GPD2: variants seen among roughly 807,000 people sequenced by gnomAD.
GPD2 encodes the protein glycerol-3-phosphate dehydrogenase, mitochondrial.
Under a neutral mutation model 82.4 loss-of-function variants are expected in GPD2, and 54 were observed. That is an observed-to-expected ratio of 0.66 (90% CI 0.53 to 0.82). GPD2 has a LOEUF of 0.82. GPD2 is among the 40% of genes least tolerant of loss of function. The probability of loss-of-function intolerance (pLI) is 0.00; values close to 1 mark genes in which losing one functional copy is unlikely to be tolerated. For missense variants in GPD2, 748 were observed against 896.2 expected, an observed-to-expected ratio of 0.83 and a Z score of 2.11; for synonymous variants, 288 against 306.1, an observed-to-expected ratio of 0.94 and a Z score of 0.62.
At chr2:156,493,185 C>A (rs987376163) in intron 2 of GPD2, among the ~76,000 whole-genome samples, 1 of 152,022 alleles carries the variant, frequency 6.6e-6, no homozygotes, top group African/African-American at 2.4e-5. Flanking sequence ...GAGAGTGGTT[C>A]AAAGAGGCTG....
intron 1 of GPD2, among the ~76,000 whole-genome samples, chr2:156,441,030 G>A (rs1484386808): frequency 2.0e-5 from 3 of 152,160 alleles, no homozygotes; most frequent in Admixed American, 6.5e-5. Context: ...AGAGGGGCTG[G>A]AAATCCAGTC....
At chr2:156,406,052 T>C in the GPD2 span, among the ~76,000 whole-genome samples, 1 of 152,122 alleles carries the variant, frequency 6.6e-6, no homozygotes, top group Non-Finnish European at 1.5e-5. Flanking sequence ...GCCTTTTTTT[T>C]TTTTTTCACC....
intron 16 of GPD2, among the ~76,000 whole-genome samples, chr2:156,581,372 T>G (rs1166150864): frequency 6.6e-6 from 1 of 152,164 alleles, no homozygotes; most frequent in Non-Finnish European, 1.5e-5. Context: ...TTTTGAGTTT[T>G]TAGAAGTTGG....
intron 9 of GPD2, among the ~76,000 whole-genome samples, chr2:156,564,140 A>G (rs768981325): frequency 6.6e-6 from 1 of 152,168 alleles, no homozygotes; most frequent in Non-Finnish European, 1.5e-5. Flanking sequence ...AGAGAAATTC[A>G]TTATCTTGTA....
chr2:156,419,046 CTTCTTTTTTTTTTTTTT>C, the GPD2 span, among the ~76,000 whole-genome samples: 2 of 136,280 alleles, frequency 1.5e-5, no homozygotes, highest in Non-Finnish European at 3.2e-5. Context: ...ATTTTCTTTC[CTTCTTTTTTTTTTTTTT>C]TTTTTTTTTT....
At chr2:156,432,668 C>G (rs1221138178), upstream of GPD2, among the ~76,000 whole-genome samples, 2 of 152,142 alleles carry the variant, frequency 1.3e-5, no homozygotes, top group Non-Finnish European at 1.5e-5. Flanking sequence ...ATAACTTATG[C>G]TCTAATTGCA....
chr2:156,403,612 G>GGTGTGTGTGTGTGT, the GPD2 span, among the ~76,000 whole-genome samples: 2,516 of 147,982 alleles, frequency 0.017, 66 homozygotes, highest in African/African-American at 0.059. Context: ...GCATTCAAAG[G>GGTGTGTGTGTGTGT]GTGTGTGTGT....
At chr2:156,576,675 G>A (rs1386523537) in intron 13 of GPD2, among the ~76,000 whole-genome samples, 3 of 152,166 alleles carry the variant, frequency 2.0e-5, no homozygotes, top group African/African-American at 7.2e-5. Flanking sequence ...ATGTTATAAA[G>A]GAAATGTGGG....
intron 1 of GPD2, among the ~76,000 whole-genome samples, chr2:156,459,550 TG>T (rs1237840617): frequency 6.6e-6 from 1 of 151,560 alleles, no homozygotes; most frequent in Non-Finnish European, 1.5e-5. Context: ...TAGCTGGGCA[TG>T]GTGGCGCATG....
intron 1 of GPD2, among the ~76,000 whole-genome samples, chr2:156,446,335 G>A (rs298230): frequency 0.91 from 138,117 of 152,074 alleles, 64,200 homozygotes; most frequent in East Asian, 1. Flanking sequence ...ACCTCAGGCA[G>A]TCCGCCCGCC....
At chr2:156,527,842 T>C (rs1685670718) in intron 6 of GPD2, among the ~76,000 whole-genome samples, 1 of 152,078 alleles carries the variant, frequency 6.6e-6, no homozygotes, top group African/African-American at 2.4e-5. Context: ...TTCTTAGTTT[T>C]TAACCCGAGA....
chr2:156,456,595 C>CAA (rs760885784), intron 1 of GPD2, among the ~76,000 whole-genome samples: 2 of 136,338 alleles, frequency 1.5e-5, no homozygotes, highest in Non-Finnish European at 1.6e-5. Context: ...GACTCTGTCT[C>CAA]AAAAAAAAAA....
At chr2:156,550,485 A>C in intron 7 of GPD2, 117 bp from the exon 8 acceptor site, 1 of 1,005,556 alleles carries the variant, frequency 9.9e-7, no homozygotes, top group South Asian at 1.3e-5. Flanking sequence ...CAGGTCACTT[A>C]GTGTGGTATG....
intron 8 of GPD2, among the ~76,000 whole-genome samples, chr2:156,554,754 C>T (rs1686897684): frequency 6.6e-6 from 1 of 152,146 alleles, no homozygotes; most frequent in African/African-American, 2.4e-5. Flanking sequence ...CTCTGTTTAG[C>T]CTACTGGTGC....
intron 1 of GPD2, among the ~76,000 whole-genome samples, chr2:156,467,877 G>A (rs1188833538): frequency 3.3e-5 from 5 of 152,084 alleles, no homozygotes; most frequent in African/African-American, 9.7e-5. Flanking sequence ...CTCTCTGTGT[G>A]TTTCTGTAGG....
chr2:156,547,948 A>T (rs1275381102), intron 6 of GPD2, among the ~76,000 whole-genome samples: 2 of 152,212 alleles, frequency 1.3e-5, no homozygotes, highest in Non-Finnish European at 2.9e-5. Flanking sequence ...TTCAAGGCAC[A>T]CCTGGATGGG....
the GPD2 span, among the ~76,000 whole-genome samples, chr2:156,428,061 C>G: frequency 1.6e-4 from 25 of 152,178 alleles, no homozygotes; most frequent in Admixed American, 1.6e-3. Flanking sequence ...TTTCAGGATA[C>G]TTAATCACAT....
chr2:156,548,201 G>A (rs16840461), intron 6 of GPD2, among the ~76,000 whole-genome samples: 21,215 of 152,144 alleles, frequency 0.14, 1,532 homozygotes, highest in Non-Finnish European at 0.16. Context: ...CCAATTTTAA[G>A]CAAGGAACCC....
rs1312026744 is a variant in GPD2 at position 156,577,498 on chromosome 2, AG to A, written c.1768-1390del. 3.9e-5 allele frequency among the ~76,000 whole-genome samples: 6 copies of A among 152,272 alleles called. No homozygotes were observed. In the East Asian group the frequency reaches 9.6e-4, roughly 24 times the overall value. ...CAAGACACTGTCTCAGAAAAAAAAA[AG>A]TTTGTCTTCTCAAGAAAAATCAATA... is the stretch of plus-strand genomic sequence containing the variant. On this transcript the variant is annotated intron_variant, in intron 13 of 16. Coordinates refer to ENST00000438166, the MANE Select transcript of GPD2 (RefSeq NM_000408.5).
Sources: gnomAD v4.1 joint callset for allele counts (sites outside exome capture counted in the v4.1 genomes callset) on GRCh38, gnomAD v4.1.1 for gene constraint, MANE v1.5 for transcripts, NCBI Gene and HGNC (gene_info 2026-07-23, HGNC 2026-07-21) for gene names.